CNTN4: variants seen among roughly 807,000 people sequenced by gnomAD.
CNTN4 encodes contactin-4.
A neutral mutation model predicts 122.5 loss-of-function variants in CNTN4; 77 were observed. The ratio of observed to expected loss-of-function variants is 0.63; its 90% CI spans 0.52 to 0.76. CNTN4 has a LOEUF of 0.76. Among genes scored for constraint, CNTN4 ranks in the 30% least tolerant of loss-of-function variants. CNTN4 has a pLI of 0.00. For missense variants in CNTN4, 1,256 were observed against 1,259.1 expected (o/e 1.00, Z 0.04); for synonymous variants, 512 against 447.0 (o/e 1.15, Z -1.83).
chr3:2,338,517 C>A (rs748907747), intron 2 of CNTN4, among the ~76,000 whole-genome samples: 1 of 151,800 alleles, frequency 6.6e-6, no homozygotes, highest in Non-Finnish European at 1.5e-5. Flanking sequence ...TGATCTATAG[C>A]AGAAACTTGG....
intron 2 of CNTN4, among the ~76,000 whole-genome samples, chr3:2,312,519 C>T (rs912620200): frequency 7.9e-5 from 12 of 151,984 alleles, no homozygotes; most frequent in Non-Finnish European, 7.4e-5. Flanking sequence ...AAATTCTTAT[C>T]CCAGTGAGCC....
At chr3:2,424,172 C>G (rs191713044) in intron 3 of CNTN4, among the ~76,000 whole-genome samples, 2 of 148,964 alleles carry the variant, frequency 1.3e-5, no homozygotes, top group African/African-American at 4.9e-5. Context: ...CCCATTAACT[C>G]GTCATTTACA....
chr3:2,544,445 A>C (rs1286228066), intron 3 of CNTN4, among the ~76,000 whole-genome samples: 1 of 152,174 alleles, frequency 6.6e-6, no homozygotes, highest in Admixed American at 6.6e-5. Context: ...AAGCACCTTT[A>C]AAGTATGCTG....
rs71058604 is a variant in CNTN4 at position 2,294,288 on chromosome 3, C to CTTTTTTTTTTTTTTTTTTTTTTTTTT, written c.-144-44875_-144-44874insTTTTTTTTTTTTTTTTTTTTTTTTTT. Among the ~76,000 whole-genome samples the CTTTTTTTTTTTTTTTTTTTTTTTTTT allele has an allele frequency of 4.4e-5, 6 of 135,612 alleles. 1 individual carries two copies. Among genetic ancestry groups the CTTTTTTTTTTTTTTTTTTTTTTTTTT allele is most frequent in the Admixed American group, 1.5e-4 (2 of 13,410 alleles). The allele number at this position is 135,612 out of a possible 152,430, so 89.0% of individuals were successfully genotyped here. A position where few individuals can be genotyped will look rare whatever the true frequency, so the allele number is the denominator to read the frequency against. On this transcript the variant is annotated intron_variant, in intron 2 of 24. Transcript: ENST00000418658. ...CAAAGGAAAGGCAGAAGAGTTGTGA[C>CTTTTTTTTTTTTTTTTTTTTTTTTTT]TTTTTTTTTTTTTTTACTGAATACC...
chr3:2,900,925 T>C, intron 11 of CNTN4, 104 bp downstream of exon 11: 1 of 1,419,558 alleles, frequency 7.0e-7, no homozygotes, highest in South Asian at 1.2e-5. Flanking sequence ...TAAAATAATA[T>C]GCAATGAAAC....
chr3:2,409,287 G>A (rs55933741), intron 3 of CNTN4, among the ~76,000 whole-genome samples: 2,086 of 138,270 alleles, frequency 0.015, 41 homozygotes, highest in African/African-American at 0.054. Flanking sequence ...TCGCTCTGTC[G>A]CCCAGGCTGG....
At chr3:2,828,947 C>G (rs896845367) in intron 7 of CNTN4, among the ~76,000 whole-genome samples, 17 of 151,960 alleles carry the variant, frequency 1.1e-4, no homozygotes, top group African/African-American at 4.1e-4. Context: ...TTTTGTTACC[C>G]AAGTTGGTCT....
intron 3 of CNTN4, among the ~76,000 whole-genome samples, chr3:2,562,823 A>C (rs2079013549): frequency 6.6e-6 from 1 of 152,048 alleles, no homozygotes; most frequent in Non-Finnish European, 1.5e-5. Flanking sequence ...TATTGAGCTC[A>C]AACAATCCTC....
intron 3 of CNTN4, among the ~76,000 whole-genome samples, chr3:2,372,331 A>G (rs983454692): frequency 6.6e-6 from 1 of 152,256 alleles, no homozygotes; most frequent in Non-Finnish European, 1.5e-5. Flanking sequence ...ACTTATGAAC[A>G]TCGTGGCTAG....
chr3:2,122,548 C>G (rs963436727), intron 2 of CNTN4, among the ~76,000 whole-genome samples: 6 of 152,182 alleles, frequency 3.9e-5, no homozygotes, highest in Non-Finnish European at 8.8e-5. Flanking sequence ...TCTTTACAGA[C>G]TCTTGCTATG....
intron 4 of CNTN4, among the ~76,000 whole-genome samples, chr3:2,730,471 A>AG (rs1166725263): frequency 7.4e-6 from 1 of 135,176 alleles, no homozygotes; most frequent in Non-Finnish European, 1.5e-5. Flanking sequence ...AGTTTGACTT[A>AG]CCTTTTTACT....
At chr3:2,826,427 A>G (rs559995391) in intron 7 of CNTN4, among the ~76,000 whole-genome samples, 7 of 152,322 alleles carry the variant, frequency 4.6e-5, no homozygotes, top group African/African-American at 1.4e-4. Flanking sequence ...GATTATAACC[A>G]CAGCCCTTAA....
intron 3 of CNTN4, among the ~76,000 whole-genome samples, chr3:2,533,361 C>T (rs998855933): frequency 6.6e-6 from 1 of 151,958 alleles, no homozygotes; most frequent in Non-Finnish European, 1.5e-5. Context: ...TCAATTCCGA[C>T]CTATGAGTGA....
intron 4 of CNTN4, among the ~76,000 whole-genome samples, chr3:2,673,252 G>A (rs932286415): frequency 6.6e-6 from 1 of 152,104 alleles, no homozygotes; most frequent in Non-Finnish European, 1.5e-5. Flanking sequence ...AGGTATAAAA[G>A]GGAGTGCTTT....
At chr3:2,885,841 A>G (rs1012786313) in intron 9 of CNTN4, among the ~76,000 whole-genome samples, 1 of 152,136 alleles carries the variant, frequency 6.6e-6, no homozygotes, top group African/African-American at 2.4e-5. Flanking sequence ...AGTCTCACAC[A>G]CATTTCTGGT....
chr3:2,559,226 C>A (rs915308147), intron 3 of CNTN4, among the ~76,000 whole-genome samples: 3 of 152,142 alleles, frequency 2.0e-5, no homozygotes, highest in African/African-American at 7.2e-5. Context: ...TGCTGTAATT[C>A]TGTCATATTA....
chr3:2,133,716 A>G (rs930697864), intron 2 of CNTN4, among the ~76,000 whole-genome samples: 1 of 152,166 alleles, frequency 6.6e-6, no homozygotes, highest in Non-Finnish European at 1.5e-5. Context: ...ATTCTAACAT[A>G]GCGAAATAAA....
chr3:2,626,652 AT>A, intron 4 of CNTN4, among the ~76,000 whole-genome samples: 1 of 152,292 alleles, frequency 6.6e-6, no homozygotes, highest in East Asian at 1.9e-4. Flanking sequence ...TTATTTTTAC[AT>A]TTTTTCATCT....
intron 23 of CNTN4, among the ~76,000 whole-genome samples, chr3:3,051,260 C>T (rs1365832467): frequency 6.6e-6 from 1 of 152,104 alleles, no homozygotes; most frequent in Non-Finnish European, 1.5e-5. Flanking sequence ...TCCATTCTTT[C>T]CCCTTGTCTT....
Sources: allele counts gnomAD v4.1 joint callset (sites outside exome capture counted in the v4.1 genomes callset), GRCh38; gene constraint gnomAD v4.1.1; transcripts MANE v1.5; gene names NCBI Gene and HGNC (gene_info 2026-07-23, HGNC 2026-07-21).